KCTD15: variants seen among roughly 807,000 people sequenced by gnomAD.
KCTD15 encodes the protein potassium channel tetramerization domain containing 15.
A neutral mutation model predicts 27.2 loss-of-function variants in KCTD15; 11 were observed. The ratio of observed to expected loss-of-function variants is 0.41; its 90% CI spans 0.25 to 0.67. The LOEUF is 0.67. Among genes scored for constraint, KCTD15 ranks in the 30% least tolerant of loss-of-function variants. The probability of loss-of-function intolerance (pLI) is 0.35; values close to 1 mark genes in which losing one functional copy is unlikely to be tolerated. For synonymous variants in KCTD15, 163 were observed against 176.0 expected (o/e 0.93, Z 0.58); for missense variants, 350 against 409.3 (o/e 0.86, Z 1.25).
intron 4 of KCTD15, 120 bp from the exon 5 acceptor site, chr19:33,806,743 C>A: frequency 1.8e-6 from 2 of 1,131,904 alleles, no homozygotes. Flanking sequence ...CCAGAGTCAC[C>A]CATGTCAGGT....
At chr19:33,797,241 CCG>C (rs1335748949) in intron 1 of KCTD15, among the ~76,000 whole-genome samples, 2 of 146,810 alleles carry the variant, frequency 1.4e-5, no homozygotes, top group African/African-American at 5.1e-5. Flanking sequence ...GAGCTTCCTG[CCG>C]CGCGGTGTGT....
In KCTD15 at chr19:33,802,221, G is replaced by T. The variant is rs189619978; in HGVS notation, c.242+879G>T. Among the ~76,000 whole-genome samples, 361 of 152,240 alleles carry T rather than the reference G, an allele frequency of 2.4e-3. 1 individual carries two copies. Among genetic ancestry groups the T allele is most frequent in the African/African-American group, 8.1e-3 (337 of 41,512 alleles). On this transcript the variant is annotated intron_variant, in intron 4 of 6. Transcript: ENST00000683859. ...ATGTTTGCTCCTGGCACAGAGAGGCGGTCATCGCTCCCCTGGGGCTGCTGA... is the reference window on the plus strand; with the variant it reads ...ATGTTTGCTCCTGGCACAGAGAGGCTGTCATCGCTCCCCTGGGGCTGCTGA...
chr19:33,802,308 CAGG>C (rs1447904234), intron 4 of KCTD15, among the ~76,000 whole-genome samples: 2 of 152,188 alleles, frequency 1.3e-5, no homozygotes, highest in Non-Finnish European at 2.9e-5. Context: ...TTTGAAATAA[CAGG>C]AGGAGTTAAT....
chr19:33,811,079 C>T (rs1975886760), intron 5 of KCTD15, among the ~76,000 whole-genome samples, 168 bp from the exon 6 acceptor site: 1 of 152,204 alleles, frequency 6.6e-6, no homozygotes, highest in Admixed American at 6.5e-5. Context: ...GCAAACCACT[C>T]AGTTGCCCCA....
At chr19:33,807,121 CGAT>C (rs1975737942) in intron 5 of KCTD15, 114 bp downstream of exon 5, 9 of 1,275,952 alleles carry the variant, frequency 7.1e-6, no homozygotes, top group Non-Finnish European at 8.7e-6. Context: ...AAAAGTTAAA[CGAT>C]GAAGCCGAGG....
At chr19:33,794,674 CCA>C (rs767397104), upstream of KCTD15, among the ~76,000 whole-genome samples, 181 of 152,334 alleles carry the variant, frequency 1.2e-3, no homozygotes, top group Non-Finnish European at 2.0e-3. Flanking sequence ...TTGGGGGCAC[CCA>C]CACACACAAC....
chr19:33,801,241 G>C lies in KCTD15; in HGVS notation c.141G>C (p.Leu47=). Residue 47 remains leucine, a synonymous_variant, in exon 4 of 7, where the codon CTG becomes CTC. Coordinates refer to ENST00000683859, the MANE Select transcript of KCTD15 (RefSeq NM_001129994.2). The part of the protein sequence containing the change: ...VSPLAAQGIP[L]PAQLTKSNAP... The stretch of plus-strand genomic sequence containing the variant: ...CCCTGGCTGCCCAGGGCATCCCCCT[G>C]CCAGCCCAGCTCACCAAGTCCAATG... 6.2e-7 allele frequency: 1 copy of C among 1,613,422 alleles called. No homozygotes were observed. The highest frequency in any genetic ancestry group is 8.5e-7 in the Non-Finnish European group (1 of 1,179,850).
chr19:33,806,753 T>A (rs1238660150), intron 4 of KCTD15, 110 bp from the exon 5 acceptor site: 8 of 1,252,776 alleles, frequency 6.4e-6, no homozygotes, highest in African/African-American at 3.0e-5. Flanking sequence ...CCATGTCAGG[T>A]CCCTCGCCCC....
chr19:33,811,971 C>T (rs537485001), intron 6 of KCTD15: 3 of 1,498,276 alleles, frequency 2.0e-6, no homozygotes, highest in African/African-American at 1.4e-5. Flanking sequence ...AGGCACCCAC[C>T]AGCTGCCAAG....
chr19:33,796,779 C>T (rs1416292288), upstream of KCTD15: 1 of 115,180 alleles, frequency 8.7e-6, no homozygotes, highest in African/African-American at 3.4e-5. Flanking sequence ...GAGGCCCCGG[C>T]GCGCCGCGCC....
intron 4 of KCTD15, among the ~76,000 whole-genome samples, chr19:33,803,845 T>TA (rs11444875): frequency 0.15 from 21,892 of 146,746 alleles, 1,643 homozygotes; most frequent in African/African-American, 0.17. Flanking sequence ...AGCCAGAGCT[T>TA]AAAAAAAAAA....
Position 33,813,389 on chromosome 19 carries a change from A to C in KCTD15, c.*441A>C, listed in dbSNP as rs900673994. 2 of 462,414 alleles carry C rather than the reference A, an allele frequency of 4.3e-6. No homozygotes were observed. Among genetic ancestry groups the C allele is most frequent in the Admixed American group, 2.3e-5 (1 of 42,684 alleles). 28.6% of individuals were successfully genotyped at this position (462,414 alleles called of 1,614,324 possible). A position where few individuals can be genotyped will look rare whatever the true frequency, so the allele number is the denominator to read the frequency against. ...AGTATTTAAAATGGATGCAGCCCTA[A>C]CTGCAAAAGTCAGAGAGGCTGACAA... On this transcript the variant is annotated 3_prime_UTR_variant, in exon 7 of 7. Coordinates refer to ENST00000683859, the MANE Select transcript of KCTD15 (RefSeq NM_001129994.2).
At chr19:33,811,889 C>T (rs945374741) in intron 6 of KCTD15, 8 of 1,587,388 alleles carry the variant, frequency 5.0e-6, no homozygotes, top group African/African-American at 1.4e-5. Flanking sequence ...AGGCAACAGG[C>T]GAGGCAGGAC....
upstream of KCTD15, chr19:33,796,803 T>G (rs1313467177): frequency 5.1e-5 from 1 of 19,598 alleles, no homozygotes; most frequent in Non-Finnish European, 1.0e-4. Flanking sequence ...AGGGGCCGCG[T>G]GAAGCGGGGG....
Position 33,800,698 on chromosome 19 carries a change from C to T in KCTD15, c.66+178C>T, listed in dbSNP as rs371550705. 1.2e-4 allele frequency among the ~76,000 whole-genome samples: 18 copies of T among 152,284 alleles called. No individual in the cohort carries two copies. The East Asian group carries it at 3.1e-3, about 26-fold the overall frequency. On this transcript the variant is annotated intron_variant, in intron 3 of 6. Coordinates refer to ENST00000683859, the MANE Select transcript of KCTD15 (RefSeq NM_001129994.2). The stretch of plus-strand genomic sequence containing the variant: ...TCTTAATTTGATGTGAAATTTACTA[C>T]ATGTATAAAACTCAACGCCTTAGGT...
chr19:33,801,464 C>A, intron 4 of KCTD15, 122 bp downstream of exon 4: 1 of 812,022 alleles, frequency 1.2e-6, no homozygotes, highest in Non-Finnish European at 1.9e-6. Flanking sequence ...CCAGGGTGCA[C>A]AAGCTGACAC....
At chr19:33,809,084 C>G (rs535516213) in intron 5 of KCTD15, among the ~76,000 whole-genome samples, 118 of 152,104 alleles carry the variant, frequency 7.8e-4, no homozygotes, top group African/African-American at 2.8e-3. Context: ...CGAGACCAGC[C>G]TGACCAATAT....
Position 33,815,192 on chromosome 19 carries a change from T to G in KCTD15, c.*2244T>G, listed in dbSNP as rs984645119. 2 of 152,194 alleles carry G rather than the reference T, an allele frequency of 1.3e-5. No individual in the cohort carries two copies. The highest frequency in any genetic ancestry group is 2.9e-5 in the Non-Finnish European group (2 of 68,040). The allele number at this position is 152,194 out of a possible 1,614,324, so 9.4% of individuals were successfully genotyped here. A position where few individuals can be genotyped will look rare whatever the true frequency, so the allele number is the denominator to read the frequency against. On this transcript the variant is annotated 3_prime_UTR_variant, in exon 7 of 7. Coordinates refer to ENST00000683859, the MANE Select transcript of KCTD15 (RefSeq NM_001129994.2). ...TAAATGATTGTGCTAAAAATAAAAT[T>G]TATTAATAAAGAAGGGGAAAAAGGA...
chr19:33,797,273 TGTGTGTGTGTGCGCGCGC>T, intron 1 of KCTD15: 1 of 320,064 alleles, frequency 3.1e-6, no homozygotes, highest in Non-Finnish European at 6.1e-6. Context: ...TGTGTGTGTG[TGTGTGTGTGTGCGCGCGC>T]GCGCGCGCGC....
Sources: gnomAD v4.1 joint callset for allele counts (sites outside exome capture counted in the v4.1 genomes callset) on GRCh38, gnomAD v4.1.1 for gene constraint, MANE v1.5 for transcripts, NCBI Gene and HGNC (gene_info 2026-07-23, HGNC 2026-07-21) for gene names.